Variants in C3orf49 observed in about 807,000 individuals in gnomAD.
C3orf49 encodes the protein putative uncharacterized protein C3orf49.
C3orf49 carries 27 observed loss-of-function variants against 13.3 expected under a neutral mutation model. The observed-to-expected ratio is 2.02, with a 90% CI of 1.49 to 2.79. The LOEUF (loss-of-function observed/expected upper bound fraction) is 2.79, where lower values mean the gene tolerates loss of function less well. Ranked by LOEUF, C3orf49 falls within the 30% of genes most tolerant of loss-of-function variation. C3orf49 has a pLI of 0.00. For synonymous variants in C3orf49, 87 were observed against 47.6 expected, an observed-to-expected ratio of 1.83 and a Z score of -3.40; for missense variants, 242 against 134.2, an observed-to-expected ratio of 1.80 and a Z score of -3.97.
At chr3:63,833,096 T>C (rs1328369419) in intron 5 of C3orf49, among the ~76,000 whole-genome samples, 1 of 151,196 alleles carries the variant, frequency 6.6e-6, no homozygotes. Context: ...TGCAAGACAA[T>C]CTTTTTTTTT....
chr3:63,795,939 C>T, the C3orf49 span, among the ~76,000 whole-genome samples: 1 of 152,020 alleles, frequency 6.6e-6, no homozygotes, highest in Admixed American at 6.6e-5. Flanking sequence ...AAACTGCCAA[C>T]GTGTTTAGGG....
the C3orf49 span, among the ~76,000 whole-genome samples, chr3:63,812,175 T>C: frequency 1.3e-5 from 2 of 152,338 alleles, no homozygotes; most frequent in Middle Eastern, 3.4e-3. Flanking sequence ...AAATATCCTG[T>C]AGGCCAGGGT....
At chr3:63,847,125 T>C (rs796157047) in intron 6 of C3orf49, among the ~76,000 whole-genome samples, 4 of 152,090 alleles carry the variant, frequency 2.6e-5, no homozygotes, top group African/African-American at 7.2e-5. Flanking sequence ...AACCAGGACA[T>C]TGGAAAAAGG....
At chr3:63,816,239 C>A (rs1487236853), upstream of C3orf49, among the ~76,000 whole-genome samples, 5 of 150,200 alleles carry the variant, frequency 3.3e-5, no homozygotes, top group Admixed American at 2.7e-4. Context: ...AATTGTAATT[C>A]CTGGGCAAGG....
chr3:63,787,908 A>C, the C3orf49 span, among the ~76,000 whole-genome samples: 1 of 152,204 alleles, frequency 6.6e-6, no homozygotes, highest in Non-Finnish European at 1.5e-5. Context: ...GGATGGACTT[A>C]TCCACAGAAT....
chr3:63,846,220 GA>G (rs781553885), intron 6 of C3orf49: 2 of 449,768 alleles, frequency 4.4e-6, no homozygotes, highest in African/African-American at 4.0e-5. Context: ...TTTCTTCCCT[GA>G]AAAAAGCAGT....
chr3:63,829,820 C>T (rs1393961520), intron 3 of C3orf49, among the ~76,000 whole-genome samples: 1 of 151,950 alleles, frequency 6.6e-6, no homozygotes, highest in Non-Finnish European at 1.5e-5. Flanking sequence ...TAAAAATTAG[C>T]TGGGCATGGT....
At chr3:63,838,128 C>T (rs559010509) in intron 5 of C3orf49, 20 of 1,427,878 alleles carry the variant, frequency 1.4e-5, no homozygotes, top group African/African-American at 1.2e-4. Context: ...AATTTTAAAA[C>T]GCATTTATAA....
chr3:63,830,152 C>A (rs1462121707), intron 3 of C3orf49, among the ~76,000 whole-genome samples: 1 of 152,138 alleles, frequency 6.6e-6, no homozygotes, highest in Non-Finnish European at 1.5e-5. Context: ...CAGTCCATAC[C>A]AGCCCCAACT....
chr3:63,812,907 C>T, the C3orf49 span, among the ~76,000 whole-genome samples: 10 of 152,202 alleles, frequency 6.6e-5, no homozygotes, highest in African/African-American at 2.2e-4. Flanking sequence ...CACTTTCACT[C>T]GTAATCTCCA....
chr3:63,835,077 G>A (rs1701601748), intron 5 of C3orf49: 4 of 1,399,402 alleles, frequency 2.9e-6, no homozygotes, highest in Admixed American at 1.9e-5. Context: ...TCTCCAAGAT[G>A]TATATTTCAA....
chr3:63,807,076 C>G, the C3orf49 span, among the ~76,000 whole-genome samples: 1 of 151,944 alleles, frequency 6.6e-6, no homozygotes, highest in Non-Finnish European at 1.5e-5. Context: ...CTCAGCCACC[C>G]GAGTAGCTGG....
chr3:63,835,860 T>C (rs1701621817), intron 5 of C3orf49, among the ~76,000 whole-genome samples: 1 of 152,078 alleles, frequency 6.6e-6, no homozygotes, highest in African/African-American at 2.4e-5. Flanking sequence ...CCCTGAATAA[T>C]ACACAGTATT....
At chr3:63,812,109 AT>A in the C3orf49 span, among the ~76,000 whole-genome samples, 1 of 151,892 alleles carries the variant, frequency 6.6e-6, no homozygotes, top group Non-Finnish European at 1.5e-5. Context: ...AGGGACTCTT[AT>A]TTTTTTATGA....
chr3:63,835,846 G>C (rs370364396), intron 5 of C3orf49, among the ~76,000 whole-genome samples: 1 of 151,916 alleles, frequency 6.6e-6, no homozygotes, highest in African/African-American at 2.4e-5. Flanking sequence ...GCATATACTT[G>C]TATCCCTGAA....
chr3:63,808,051 G>A, the C3orf49 span, among the ~76,000 whole-genome samples: 3 of 152,150 alleles, frequency 2.0e-5, no homozygotes, highest in South Asian at 2.1e-4. Flanking sequence ...CGAACTTTCC[G>A]ATCAAGCAGA....
At chr3:63,844,794 C>T (rs958440418) in intron 5 of C3orf49, among the ~76,000 whole-genome samples, 1 of 152,118 alleles carries the variant, frequency 6.6e-6, no homozygotes, top group Non-Finnish European at 1.5e-5. Context: ...CTTGAATTTC[C>T]CACCCTCTAG....
intron 5 of C3orf49, chr3:63,834,162 T>C: frequency 6.2e-7 from 1 of 1,614,160 alleles, no homozygotes; most frequent in Non-Finnish European, 8.5e-7. Context: ...CCATGCTTGC[T>C]TCCTGAGCTT....
chr3:63,834,667 A>G (rs1418992666), intron 5 of C3orf49, among the ~76,000 whole-genome samples: 1 of 152,000 alleles, frequency 6.6e-6, no homozygotes, highest in East Asian at 1.9e-4. Context: ...TAAAAAAAAA[A>G]AAAAGAAAAG....
Sources: gnomAD v4.1 joint callset for allele counts (sites outside exome capture counted in the v4.1 genomes callset) on GRCh38, gnomAD v4.1.1 for gene constraint, MANE v1.5 for transcripts, NCBI Gene and HGNC (gene_info 2026-07-23, HGNC 2026-07-21) for gene names.